Variants in RPS6KC1 observed in about 807,000 individuals in gnomAD.
RPS6KC1 encodes the protein inactive ribosomal protein S6 kinase delta-1.
In RPS6KC1, 54 loss-of-function variants were observed where a neutral mutation model predicts 103.8. The ratio of observed to expected loss-of-function variants is 0.52; its 90% CI spans 0.42 to 0.65. The LOEUF is 0.65. Among genes scored for constraint, RPS6KC1 ranks in the 30% least tolerant of loss-of-function variants. RPS6KC1 has a pLI of 0.00. For synonymous variants in RPS6KC1, 439 were observed against 438.7 expected, an observed-to-expected ratio of 1.00 and a Z score of -0.01; for missense variants, 1,151 against 1,253.8, an observed-to-expected ratio of 0.92 and a Z score of 1.24.
At chr1:213,374,602 C>T in the RPS6KC1 span, among the ~76,000 whole-genome samples, 5 of 151,918 alleles carry the variant, frequency 3.3e-5, no homozygotes, top group African/African-American at 1.2e-4. Context: ...CCAGGAGAGA[C>T]CAAAATTCCA....
chr1:213,604,576 G>T, the RPS6KC1 span, among the ~76,000 whole-genome samples: 1 of 152,202 alleles, frequency 6.6e-6, no homozygotes, highest in Non-Finnish European at 1.5e-5. Flanking sequence ...CCTGCTCAGA[G>T]CCTCAGTTCC....
chr1:213,460,260 C>G, the RPS6KC1 span, among the ~76,000 whole-genome samples: 1 of 152,110 alleles, frequency 6.6e-6, no homozygotes, highest in Non-Finnish European at 1.5e-5. Context: ...TCTGGGTGCT[C>G]CTATATTGGG....
chr1:213,178,520 G>A (rs752616069), intron 8 of RPS6KC1, among the ~76,000 whole-genome samples: 4 of 151,526 alleles, frequency 2.6e-5, no homozygotes, highest in Admixed American at 6.6e-5. Context: ...CAGCCTGGGC[G>A]ACAGACTGAG....
At chr1:213,709,516 AT>A in the RPS6KC1 span, among the ~76,000 whole-genome samples, 1 of 118,094 alleles carries the variant, frequency 8.5e-6, no homozygotes, top group African/African-American at 2.5e-5. Context: ...GGATTCACTG[AT>A]TTTTTTTGAA....
At chr1:213,567,014 C>T in the RPS6KC1 span, among the ~76,000 whole-genome samples, 1 of 152,140 alleles carries the variant, frequency 6.6e-6, no homozygotes, top group Non-Finnish European at 1.5e-5. Context: ...CTGAAGGACT[C>T]CTCTAGCTTG....
the RPS6KC1 span, among the ~76,000 whole-genome samples, chr1:213,420,077 C>T: frequency 2.0e-5 from 3 of 152,188 alleles, no homozygotes; most frequent in East Asian, 5.8e-4. Flanking sequence ...TTGTCGATTG[C>T]TCTTCAATTT....
At chr1:213,174,750 A>G (rs1459222057) in intron 7 of RPS6KC1, among the ~76,000 whole-genome samples, 1 of 151,920 alleles carries the variant, frequency 6.6e-6, no homozygotes, top group Non-Finnish European at 1.5e-5. Flanking sequence ...ATCTTGCTAA[A>G]TGTTTTTATA....
the RPS6KC1 span, among the ~76,000 whole-genome samples, chr1:213,337,633 G>T: frequency 6.6e-6 from 1 of 152,264 alleles, no homozygotes; most frequent in Non-Finnish European, 1.5e-5. Flanking sequence ...GGTCACTGTG[G>T]TTATTGATGT....
chr1:213,162,843 ATTC>A (rs1389768809), intron 6 of RPS6KC1, among the ~76,000 whole-genome samples: 1 of 152,230 alleles, frequency 6.6e-6, no homozygotes, highest in Non-Finnish European at 1.5e-5. Flanking sequence ...GACTTTTACT[ATTC>A]TTTGGTGACT....
chr1:213,397,583 A>G, the RPS6KC1 span, among the ~76,000 whole-genome samples: 2 of 83,930 alleles, frequency 2.4e-5, no homozygotes, highest in Non-Finnish European at 4.8e-5. Context: ...AGAGTCAGGA[A>G]CACATACACA....
chr1:213,163,400 G>T (rs1243804106), intron 6 of RPS6KC1, among the ~76,000 whole-genome samples: 1 of 152,174 alleles, frequency 6.6e-6, no homozygotes, highest in African/African-American at 2.4e-5. Flanking sequence ...CTTATGTGGG[G>T]ATTAACTTCT....
the RPS6KC1 span, among the ~76,000 whole-genome samples, chr1:213,567,672 A>G: frequency 6.6e-6 from 1 of 152,230 alleles, no homozygotes; most frequent in Non-Finnish European, 1.5e-5. Flanking sequence ...CACTTGGATT[A>G]TTGTATTAAT....
the RPS6KC1 span, among the ~76,000 whole-genome samples, chr1:213,551,162 A>G: frequency 6.6e-6 from 1 of 152,198 alleles, no homozygotes; most frequent in Non-Finnish European, 1.5e-5. Context: ...CCCCAGCCCG[A>G]CATCCAGACT....
At chr1:213,834,172 T>A in the RPS6KC1 span, among the ~76,000 whole-genome samples, 1 of 152,118 alleles carries the variant, frequency 6.6e-6, no homozygotes, top group Non-Finnish European at 1.5e-5. Context: ...CCCAAGTAGC[T>A]GGGACTACAG....
the RPS6KC1 span, among the ~76,000 whole-genome samples, chr1:213,850,517 C>A: frequency 2.0e-5 from 3 of 152,210 alleles, no homozygotes; most frequent in Non-Finnish European, 4.4e-5. Flanking sequence ...GTCAGGCAGG[C>A]CATCTACAGT....
chr1:213,199,367 A>G (rs1204644127), intron 8 of RPS6KC1, among the ~76,000 whole-genome samples: 1 of 152,236 alleles, frequency 6.6e-6, no homozygotes, highest in Non-Finnish European at 1.5e-5. Flanking sequence ...TGATTGATTC[A>G]TCACATAAAC....
the RPS6KC1 span, among the ~76,000 whole-genome samples, chr1:213,547,663 A>C: frequency 1.3e-5 from 2 of 152,160 alleles, no homozygotes; most frequent in Non-Finnish European, 2.9e-5. Context: ...GTTGAGAGTG[A>C]AATCTTACTC....
At chr1:213,479,504 A>G in the RPS6KC1 span, among the ~76,000 whole-genome samples, 1 of 152,012 alleles carries the variant, frequency 6.6e-6, no homozygotes, top group Non-Finnish European at 1.5e-5. Flanking sequence ...AAATACTTGT[A>G]TATATTGGTC....
chr1:213,450,305 A>T, the RPS6KC1 span, among the ~76,000 whole-genome samples: 1 of 152,020 alleles, frequency 6.6e-6, no homozygotes, highest in Non-Finnish European at 1.5e-5. Context: ...AGGTTTCATC[A>T]AAGACTAGCA....
Sources: gnomAD v4.1 joint callset for allele counts (sites outside exome capture counted in the v4.1 genomes callset) on GRCh38, gnomAD v4.1.1 for gene constraint, MANE v1.5 for transcripts, NCBI Gene and HGNC (gene_info 2026-07-23, HGNC 2026-07-21) for gene names.